The following TBC1D9 variants were observed in gnomAD, a reference collection of about 807,000 sequenced individuals.
TBC1D9 encodes the protein TBC1 domain family member 9.
In TBC1D9, 63 loss-of-function variants were observed where a neutral mutation model predicts 132.0. The ratio of observed to expected loss-of-function variants is 0.48; its 90% CI spans 0.39 to 0.59. The LOEUF is 0.59. TBC1D9 is among the 20% of genes least tolerant of loss of function. The pLI, the probability that TBC1D9 is intolerant of heterozygous loss-of-function variation, is 0.00. For missense variants in TBC1D9, 1,261 were observed against 1,592.7 expected, an observed-to-expected ratio of 0.79 and a Z score of 3.54; for synonymous variants, 610 against 609.9, an observed-to-expected ratio of 1.00 and a Z score of 0.00.
At chr4:140,639,512 T>C in intron 13 of TBC1D9, 84 bp from the exon 14 acceptor site, 1 of 929,566 alleles carries the variant, frequency 1.1e-6, no homozygotes, top group Non-Finnish European at 1.7e-6. Context: ...CAACACACTC[T>C]TGACACATCA....
chr4:140,645,294 G>A, intron 13 of TBC1D9: 1 of 512,116 alleles, frequency 2.0e-6, no homozygotes, highest in Non-Finnish European at 3.9e-6. Flanking sequence ...AGTGACAGAG[G>A]GTGCTCCTGG....
At chr4:140,692,698 C>G (rs1388038576) in intron 2 of TBC1D9, among the ~76,000 whole-genome samples, 1 of 152,050 alleles carries the variant, frequency 6.6e-6, no homozygotes. Context: ...TTGTGCTTAC[C>G]AAGAATAGGC....
chr4:140,734,563 T>G (rs574049081), intron 1 of TBC1D9, among the ~76,000 whole-genome samples: 1 of 152,250 alleles, frequency 6.6e-6, no homozygotes, highest in African/African-American at 2.4e-5. Context: ...AGGCTGAGAT[T>G]GGAAGATTGT....
At chr4:140,753,102 T>G (rs549769855) in intron 1 of TBC1D9, among the ~76,000 whole-genome samples, 3 of 152,268 alleles carry the variant, frequency 2.0e-5, no homozygotes, top group African/African-American at 7.2e-5. Flanking sequence ...TTCCTTTGCC[T>G]CCACCTCCAA....
chr4:140,676,313 C>T (rs1004850998), intron 6 of TBC1D9, among the ~76,000 whole-genome samples: 4 of 152,224 alleles, frequency 2.6e-5, no homozygotes, highest in Non-Finnish European at 1.5e-5. Context: ...ATTTCAATAG[C>T]ACTCATCCCC....
At chr4:140,689,701 T>C (rs1238844325) in intron 2 of TBC1D9, among the ~76,000 whole-genome samples, 14 of 19,756 alleles carry the variant, frequency 7.1e-4, no homozygotes, top group South Asian at 5.0e-3. Context: ...TCCCTTCCCC[T>C]CCCCTTCCTT....
intron 16 of TBC1D9, 92 bp downstream of exon 16, chr4:140,633,856 T>C: frequency 1.3e-6 from 2 of 1,494,420 alleles, no homozygotes; most frequent in South Asian, 1.3e-5. Context: ...AAACCTCCCC[T>C]TGTGCTTCTG....
chr4:140,697,258 T>C (rs1259473346), intron 2 of TBC1D9, among the ~76,000 whole-genome samples: 1 of 152,022 alleles, frequency 6.6e-6, no homozygotes, highest in Non-Finnish European at 1.5e-5. Context: ...GGTGTGTGCC[T>C]GTAGTCCCAG....
At chr4:140,623,002 T>C (rs1166087932) in intron 20 of TBC1D9, 85 bp from the exon 21 acceptor site, 28 of 1,411,870 alleles carry the variant, frequency 2.0e-5, no homozygotes, top group Non-Finnish European at 2.6e-5. Flanking sequence ...GCCATTTAAA[T>C]GAGAACGCCT....
intron 18 of TBC1D9, among the ~76,000 whole-genome samples, chr4:140,624,791 C>T (rs746939062): frequency 2.0e-5 from 3 of 152,184 alleles, no homozygotes; most frequent in Non-Finnish European, 4.4e-5. Flanking sequence ...GTGGCTCATG[C>T]CTGTAATCCC....
chr4:140,632,262 G>T (rs1278785920), intron 16 of TBC1D9, among the ~76,000 whole-genome samples: 3 of 147,380 alleles, frequency 2.0e-5, no homozygotes, highest in Non-Finnish European at 3.0e-5. Context: ...TTGCCCAAAG[G>T]TTTTTTTTTT....
intron 13 of TBC1D9, among the ~76,000 whole-genome samples, chr4:140,655,938 C>G (rs796133531): frequency 6.6e-6 from 1 of 152,286 alleles, no homozygotes; most frequent in African/African-American, 2.4e-5. Context: ...TCAACAGCCC[C>G]TACTTAATCT....
At chr4:140,709,248 T>TCTCTCACACACACACA (rs1382500714) in intron 1 of TBC1D9, among the ~76,000 whole-genome samples, 37 of 104,186 alleles carry the variant, frequency 3.6e-4, no homozygotes, top group African/African-American at 1.6e-3. Flanking sequence ...TCTCTCTCTC[T>TCTCTCACACACACACA]CACACACACA....
chr4:140,633,410 G>C (rs759852190), intron 16 of TBC1D9, among the ~76,000 whole-genome samples: 3 of 152,204 alleles, frequency 2.0e-5, no homozygotes, highest in African/African-American at 7.2e-5. Context: ...CCCTCATGCT[G>C]TGGTGAGGTG....
At chr4:140,677,882 C>CA (rs1737649367) in intron 5 of TBC1D9, among the ~76,000 whole-genome samples, 1 of 152,152 alleles carries the variant, frequency 6.6e-6, no homozygotes, top group African/African-American at 2.4e-5. Context: ...GCTTTCTCTA[C>CA]AAAATATCAC....
chr4:140,635,476 T>A (rs1736865395), intron 15 of TBC1D9, among the ~76,000 whole-genome samples: 1 of 152,162 alleles, frequency 6.6e-6, no homozygotes, highest in Non-Finnish European at 1.5e-5. Flanking sequence ...AGTGAGACCC[T>A]GTCTTAAAAA....
At chr4:140,738,045 T>C (rs1257771971) in intron 1 of TBC1D9, among the ~76,000 whole-genome samples, 1 of 152,210 alleles carries the variant, frequency 6.6e-6, no homozygotes, top group African/African-American at 2.4e-5. Context: ...ATAATAATTT[T>C]ATGTCCACAA....
rs1280416716 is a variant in TBC1D9, at chr4:140,627,446, G to A, written c.2894C>T (p.Thr965Ile). The change falls in exon 18 of 21, where the codon ACA (threonine) becomes ATA (isoleucine). Residue 965 changes from threonine to isoleucine, a missense_variant. Physicochemically the swap from Thr to Ile is moderately conservative, Grantham distance 89 (BLOSUM62 -1). Transcript: ENST00000442267. ...YFFEDITPECTHVVGLDSRSK... is the reference protein window; with the variant it reads ...YFFEDITPECIHVVGLDSRSK... ...TGGTGAGAAAAGTCACTTACCATGT[G>A]TACATTCTGGGGTAATATCTTCAAA... 6.3e-7 allele frequency: 1 copy of A among 1,598,068 alleles called. No individual in the cohort carries two copies. Among genetic ancestry groups the A allele is most frequent in the Non-Finnish European group, 8.6e-7 (1 of 1,167,352 alleles).
At chr4:140,737,111 G>A (rs191811876) in intron 1 of TBC1D9, among the ~76,000 whole-genome samples, 17 of 152,216 alleles carry the variant, frequency 1.1e-4, no homozygotes, top group South Asian at 2.1e-4. Flanking sequence ...CCTTGCATGC[G>A]CAGTGCACAG....
Sources: gnomAD v4.1 joint callset for allele counts (sites outside exome capture counted in the v4.1 genomes callset) on GRCh38, gnomAD v4.1.1 for gene constraint, MANE v1.5 for transcripts, NCBI Gene and HGNC (gene_info 2026-07-23, HGNC 2026-07-21) for gene names.